CDH23: variants seen among roughly 807,000 people sequenced by gnomAD.
CDH23 encodes cadherin-23.
A neutral mutation model predicts 317.1 loss-of-function variants in CDH23; 189 were observed. The observed-to-expected ratio is 0.60, with a 90% CI of 0.53 to 0.67. CDH23 has a LOEUF of 0.67. Ranked by LOEUF, CDH23 falls within the 30% of genes least tolerant of loss-of-function variation. The pLI is 0.00. For missense variants in CDH23, 4,401 were observed against 4,592.4 expected, an observed-to-expected ratio of 0.96 and a Z score of 1.20; for synonymous variants, 1,839 against 1,876.8, an observed-to-expected ratio of 0.98 and a Z score of 0.52.
intron 3 of CDH23, 137 bp from the exon 4 acceptor site, chr10:71,509,945 C>T: frequency 1.1e-6 from 1 of 924,428 alleles, no homozygotes; most frequent in South Asian, 1.5e-5. Flanking sequence ...GCGCCAGGGC[C>T]TTGTGATGAT....
intron 38 of CDH23, among the ~76,000 whole-genome samples, chr10:71,743,365 G>T (rs536593895): frequency 6.6e-6 from 1 of 152,304 alleles, no homozygotes; most frequent in East Asian, 1.9e-4. Context: ...GGGAGGTGGG[G>T]TCACACCAGG....
chr10:71,625,398 A>T (rs1208548043), intron 11 of CDH23, among the ~76,000 whole-genome samples: 2 of 98,814 alleles, frequency 2.0e-5, no homozygotes, highest in African/African-American at 3.7e-5. Flanking sequence ...AAATAAATTA[A>T]AAAAAAAAAA....
At chr10:71,777,392 A>T (rs1356778718) in intron 38 of CDH23, among the ~76,000 whole-genome samples, 3 of 151,132 alleles carry the variant, frequency 2.0e-5, no homozygotes, top group Non-Finnish European at 4.4e-5. Context: ...CCAAGTTTGC[A>T]TCTGGCCTCA....
At chr10:71,444,220 C>T (rs1850047284) in intron 2 of CDH23, among the ~76,000 whole-genome samples, 2 of 152,282 alleles carry the variant, frequency 1.3e-5, no homozygotes, top group Non-Finnish European at 2.9e-5. Flanking sequence ...GGAGTGCTTG[C>T]TGTGTGCCAG....
intron 69 of CDH23, 55 bp from the exon 70 acceptor site, chr10:71,814,897 C>A (rs1440678279): frequency 1.3e-6 from 2 of 1,524,780 alleles, no homozygotes; most frequent in Non-Finnish European, 1.8e-6. Context: ...GGGCCATCCA[C>A]CTGCTCACCC....
At position 71,505,363 on chromosome 10, in the gene CDH23, C is replaced by T. The variant is rs964741912; in HGVS notation, c.146-4719C>T. 4.6e-5 allele frequency among the ~76,000 whole-genome samples: 7 copies of T among 152,294 alleles called. No individual in the cohort carries two copies. The East Asian group carries it at 1.3e-3, about 29-fold the overall frequency. On this transcript the variant is annotated intron_variant, in intron 3 of 69. Transcript: ENST00000224721. ...ATTTTATCTAGAAAAGAAGACTAAG[C>T]AGCTTTTGTAAGTGAACTTTTAGGA...
At chr10:71,409,231 T>C (rs1050682291) in intron 1 of CDH23, among the ~76,000 whole-genome samples, 1 of 152,144 alleles carries the variant, frequency 6.6e-6, no homozygotes, top group Non-Finnish European at 1.5e-5. Context: ...TCCCTTCTAA[T>C]GTGTGGGGTC....
At chr10:71,662,392 T>C (rs964991344) in intron 14 of CDH23, among the ~76,000 whole-genome samples, 1 of 152,018 alleles carries the variant, frequency 6.6e-6, no homozygotes, top group African/African-American at 2.4e-5. Context: ...CCCAGGTACC[T>C]CTCTCCACCT....
rs566902333 is a variant in CDH23, at chr10:71,507,844, C to T, written c.146-2238C>T. On this transcript the variant is annotated intron_variant, in intron 3 of 69. Transcript: ENST00000224721. ...GACTTTCACATACTTCCTCTTACAC[C>T]GTCTAGAAAGAGCAATGAACTGGGA... 1.1e-4 allele frequency among the ~76,000 whole-genome samples: 17 copies of T among 152,318 alleles called. No homozygotes were observed. The East Asian group carries it at 2.1e-3, about 19-fold the overall frequency.
intron 6 of CDH23, among the ~76,000 whole-genome samples, chr10:71,516,448 T>A (rs1223201975): frequency 6.6e-6 from 1 of 152,202 alleles, no homozygotes; most frequent in Admixed American, 6.5e-5. Context: ...CCATGTCCCT[T>A]AACAAGGATG....
At chr10:71,785,900 G>A (rs527856878) in intron 44 of CDH23, among the ~76,000 whole-genome samples, 162 bp downstream of exon 44, 16 of 152,258 alleles carry the variant, frequency 1.1e-4, no homozygotes, top group South Asian at 2.1e-4. Context: ...CAGTAGGTGC[G>A]TGGCTTTGGC....
rs371168059 is a variant in CDH23 at position 71,416,905 on chromosome 10, CT to C, written c.-6+19588del. Among the ~76,000 whole-genome samples, 60 of 152,276 alleles carry C rather than the reference CT, an allele frequency of 3.9e-4. No individual in the cohort carries two copies. In the East Asian group the frequency reaches 8.9e-3, roughly 23 times the overall value. ...AAGAGGTCATTCATTTCATTGCCTT[CT>C]GGCTCCCATTGTTTGTTTCAAAAAG... On this transcript the variant is annotated intron_variant, in intron 1 of 69. Coordinates refer to ENST00000224721, the MANE Select transcript of CDH23 (RefSeq NM_022124.6).
intron 38 of CDH23, among the ~76,000 whole-genome samples, chr10:71,746,472 C>G (rs889400313): frequency 5.9e-5 from 9 of 152,234 alleles, no homozygotes; most frequent in African/African-American, 2.2e-4. Flanking sequence ...TGGGCCAGAC[C>G]CAGGCCCGCC....
chr10:71,509,070 C>T (rs1347077733), intron 3 of CDH23, among the ~76,000 whole-genome samples: 3 of 152,190 alleles, frequency 2.0e-5, no homozygotes, highest in African/African-American at 7.2e-5. Context: ...TAGGTGCCCT[C>T]AGGCCAGGGC....
At position 71,536,408 on chromosome 10, in the gene CDH23, G is replaced by A. The variant is rs905748123; in HGVS notation, c.429+25196G>A. ...TGGGCAAGAGGGAGGGGTGGGCTGC[G>A]AACAGTGGAAGGAATAGACTGTGAG... On this transcript the variant is annotated intron_variant, in intron 6 of 69. Coordinates refer to ENST00000224721, the MANE Select transcript of CDH23 (RefSeq NM_022124.6). Among the ~76,000 whole-genome samples, 15 of 152,218 alleles carry A rather than the reference G, an allele frequency of 9.9e-5. No individual in the cohort carries two copies. The South Asian group carries it at 1.0e-3, about 10-fold the overall frequency.
chr10:71,551,025 C>A (rs1856566025), intron 6 of CDH23, among the ~76,000 whole-genome samples: 1 of 152,224 alleles, frequency 6.6e-6, no homozygotes, highest in African/African-American at 2.4e-5. Flanking sequence ...AAACGAGCGG[C>A]AAACCTAATG....
chr10:71,810,614 T>C lies in CDH23; in HGVS notation c.9077+45T>C, dbSNP rs144466193. The stretch of plus-strand genomic sequence containing the variant: ...TGGACTGTCAGCCTGTCTGTCTGCC[T>C]GCCTCCCTGCCCTGGAGTAGGGGAG... On this transcript the variant is annotated intron_variant, in intron 62 of 69. Transcript: ENST00000224721. The C allele has an allele frequency of 1.0e-4, 158 of 1,571,782 alleles. No individual in the cohort carries two copies. In the African/African-American group the frequency reaches 1.8e-3, roughly 18 times the overall value.
chr10:71,458,163 C>A lies in CDH23; in HGVS notation c.145+11768C>A, dbSNP rs114720770. ...CCCTCATCAGGACTGTTCTTTACAC[C>A]CCTCAGGGGACCTGTGAGCCTGACT... On this transcript the variant is annotated intron_variant, in intron 3 of 69. Coordinates refer to ENST00000224721, the MANE Select transcript of CDH23 (RefSeq NM_022124.6). 1.1e-3 allele frequency among the ~76,000 whole-genome samples: 174 copies of A among 152,346 alleles called. 1 individual carries two copies. Among genetic ancestry groups the A allele is most frequent in the African/African-American group, 4.0e-3 (166 of 41,572 alleles).
intron 1 of CDH23, among the ~76,000 whole-genome samples, chr10:71,400,267 C>T (rs1847718960): frequency 6.6e-6 from 1 of 152,182 alleles, no homozygotes; most frequent in African/African-American, 2.4e-5. Context: ...AGATTTGGAT[C>T]AGAGGCCTGG....
Sources: gnomAD v4.1 joint callset for allele counts (sites outside exome capture counted in the v4.1 genomes callset) on GRCh38, gnomAD v4.1.1 for gene constraint, MANE v1.5 for transcripts, NCBI Gene and HGNC (gene_info 2026-07-23, HGNC 2026-07-21) for gene names.